The following C6orf52 variants were observed in gnomAD, a reference collection of about 807,000 sequenced individuals.
C6orf52 encodes putative uncharacterized protein C6orf52.
In C6orf52, 16 loss-of-function variants were observed where a neutral mutation model predicts 16.6. That is an observed-to-expected ratio of 0.96 (90% CI 0.65 to 1.46). The LOEUF is 1.46. Among genes scored for constraint, C6orf52 ranks in the 40% most tolerant of loss-of-function variants. C6orf52 has a pLI of 0.00. For synonymous variants in C6orf52, 53 were observed against 61.4 expected (o/e 0.86, Z 0.64); for missense variants, 166 against 182.3 (o/e 0.91, Z 0.52).
chr6:10,671,467 T>A lies in C6orf52; in HGVS notation c.448A>T (p.Thr150Ser). The A allele has an allele frequency of 1.3e-6, 2 of 1,541,526 alleles. No individual in the cohort carries two copies. Among genetic ancestry groups the A allele is most frequent in the Non-Finnish European group, 1.7e-6 (2 of 1,144,570 alleles). ...DTVHSEIPDE[T>S]PK ...ATGAACACCTTGCTTCACTTCGGGG[T>A]CTCATCTGGGATTTCGGAGTGAACT... The change falls in exon 5 of 5, where the codon ACC becomes TCC. Residue 150 changes from threonine (T) to serine (S), a missense_variant. Coordinates refer to ENST00000259983, the MANE Select transcript of C6orf52 (RefSeq NM_001145020.3).
At chr6:10,684,792 T>C in intron 3 of C6orf52, 1 of 1,068,576 alleles carries the variant, frequency 9.4e-7, no homozygotes, top group Non-Finnish European at 1.3e-6. Context: ...ACACACGTTA[T>C]TGGAGAAGAC....
chr6:10,687,488 G>A lies in C6orf52; in HGVS notation c.63C>T (p.Tyr21=), dbSNP rs1768953090. 6.5e-7 allele frequency: 1 copy of A among 1,547,204 alleles called. No individual in the cohort carries two copies. ...AGGAGAAAACCACTCACCTTTGCCA[G>A]TAGCAGTAATAGTTATTTTGTTGAG... is the stretch of plus-strand genomic sequence containing the variant. ...GIAQQNNYYC[Y]WQSLPSAIRV... is the part of the protein sequence containing the mutation. The change falls in exon 2 of 5, where the codon TAC becomes TAT. Residue 21 remains tyrosine (Y), a synonymous_variant. Transcript: ENST00000259983.
chr6:10,680,706 A>T (rs902471348), intron 4 of C6orf52, among the ~76,000 whole-genome samples: 1 of 152,194 alleles, frequency 6.6e-6, no homozygotes, highest in Non-Finnish European at 1.5e-5. Context: ...AACCTGAGCA[A>T]CAAAGTGAGA....
In C6orf52 at chr6:10,693,953, T is replaced by C. The variant is rs1769597936; in HGVS notation, c.-12+541A>G. Among the ~76,000 whole-genome samples the C allele has an allele frequency of 2.0e-5, 3 of 152,234 alleles. No homozygotes were observed. The South Asian group carries it at 6.2e-4, about 32-fold the overall frequency. On this transcript the variant is annotated intron_variant, in intron 1 of 4. Coordinates refer to ENST00000259983, the MANE Select transcript of C6orf52 (RefSeq NM_001145020.3). Reference sequence around the variant, plus strand: ...TATGTTGCTCAGGCTCACTTTGTTTTCCCAACTCTCAAATGAAGGCTCTGG... The same window carrying C: ...TATGTTGCTCAGGCTCACTTTGTTTCCCCAACTCTCAAATGAAGGCTCTGG...
At chr6:10,686,197 A>G (rs899806460) in intron 3 of C6orf52, among the ~76,000 whole-genome samples, 6 of 152,214 alleles carry the variant, frequency 3.9e-5, no homozygotes, top group African/African-American at 1.2e-4. Context: ...TGCCCAGACC[A>G]TAAGTGGACG....
chr6:10,683,909 A>G (rs1440951294), intron 3 of C6orf52, among the ~76,000 whole-genome samples: 4 of 152,176 alleles, frequency 2.6e-5, no homozygotes, highest in Non-Finnish European at 5.9e-5. Flanking sequence ...CTTTTTAAGT[A>G]TGGCCAGCTA....
chr6:10,679,778 C>A (rs1365406348), intron 4 of C6orf52, among the ~76,000 whole-genome samples: 1 of 152,152 alleles, frequency 6.6e-6, no homozygotes, highest in East Asian at 1.9e-4. Flanking sequence ...AAGTGGGCAT[C>A]CTTATCTGGT....
At chr6:10,673,646 C>A (rs1402997337) in intron 4 of C6orf52, among the ~76,000 whole-genome samples, 4 of 152,150 alleles carry the variant, frequency 2.6e-5, no homozygotes, top group African/African-American at 4.8e-5. Flanking sequence ...TACGAATGTA[C>A]TTAATACCAC....
intron 4 of C6orf52, among the ~76,000 whole-genome samples, chr6:10,679,766 G>T (rs927719155): frequency 6.6e-6 from 1 of 152,134 alleles, no homozygotes; most frequent in African/African-American, 2.4e-5. Context: ...TAGAAGTAGT[G>T]AAAGTGGGCA....
At chr6:10,684,450 GCTAAATAAC>G (rs1768680338) in intron 3 of C6orf52, among the ~76,000 whole-genome samples, 1 of 152,252 alleles carries the variant, frequency 6.6e-6, no homozygotes, top group Admixed American at 6.5e-5. Context: ...AAATGTGGAT[GCTAAATAAC>G]CAGGATGAGG....
At chr6:10,689,028 A>T (rs917059895) in intron 1 of C6orf52, among the ~76,000 whole-genome samples, 1 of 152,092 alleles carries the variant, frequency 6.6e-6, no homozygotes, top group Non-Finnish European at 1.5e-5. Context: ...CCCAGGCTGG[A>T]GGGCAGTGGC....
intron 1 of C6orf52, among the ~76,000 whole-genome samples, chr6:10,691,116 A>G (rs1201005384): frequency 2.0e-5 from 3 of 152,206 alleles, no homozygotes; most frequent in Non-Finnish European, 4.4e-5. Context: ...CTCCAGACAT[A>G]TCTCAGCATT....
At chr6:10,687,446 G>C (rs1469434265) in intron 2 of C6orf52, 34 bp downstream of exon 2, 2 of 1,421,008 alleles carry the variant, frequency 1.4e-6, no homozygotes, top group Non-Finnish European at 9.7e-7. Flanking sequence ...AACAGTAACA[G>C]CTTTCCTTTT....
intron 4 of C6orf52, among the ~76,000 whole-genome samples, chr6:10,681,437 T>C (rs1388145694): frequency 1.3e-5 from 2 of 152,226 alleles, no homozygotes; most frequent in Non-Finnish European, 2.9e-5. Flanking sequence ...ATTTTTGCTA[T>C]AGTCTTTATT....
At chr6:10,688,200 T>G (rs567287374) in intron 1 of C6orf52, among the ~76,000 whole-genome samples, 1 of 137,398 alleles carries the variant, frequency 7.3e-6, no homozygotes, top group South Asian at 2.1e-4. Context: ...TCTGGTTCAG[T>G]TTTTTTTTTT....
intron 1 of C6orf52, among the ~76,000 whole-genome samples, chr6:10,692,520 A>C (rs1769420496): frequency 1.3e-5 from 2 of 152,068 alleles, no homozygotes; most frequent in Non-Finnish European, 2.9e-5. Context: ...GGCTCACTGC[A>C]ATCTCCACCT....
chr6:10,678,937 C>CA (rs1419612611), intron 4 of C6orf52, among the ~76,000 whole-genome samples: 2 of 151,224 alleles, frequency 1.3e-5, no homozygotes, highest in Admixed American at 6.6e-5. Flanking sequence ...TACTAAAATA[C>CA]AAAAAATTAG....
At chr6:10,687,323 C>T (rs1490343954) in intron 2 of C6orf52, among the ~76,000 whole-genome samples, 157 bp downstream of exon 2, 3 of 151,940 alleles carry the variant, frequency 2.0e-5, no homozygotes, top group Non-Finnish European at 2.9e-5. Context: ...AGCAAACCAC[C>T]ATGGCACGTG....
At chr6:10,679,584 AAAAC>A (rs1310165657) in intron 4 of C6orf52, among the ~76,000 whole-genome samples, 4,514 of 147,068 alleles carry the variant, frequency 0.031, 243 homozygotes, top group African/African-American at 0.11. Context: ...AAAAAAACAA[AAAAC>A]AAAAACCATA....
Sources: gnomAD v4.1 joint callset for allele counts (sites outside exome capture counted in the v4.1 genomes callset) on GRCh38, gnomAD v4.1.1 for gene constraint, MANE v1.5 for transcripts, NCBI Gene and HGNC (gene_info 2026-07-23, HGNC 2026-07-21) for gene names.